Variants in CNTN5 observed in about 807,000 individuals in gnomAD.
CNTN5 encodes the protein contactin-5.
In CNTN5, 77 loss-of-function variants were observed where a neutral mutation model predicts 129.1. The ratio of observed to expected loss-of-function variants is 0.60; its 90% CI spans 0.50 to 0.72. The LOEUF (loss-of-function observed/expected upper bound fraction) is 0.72. Ranked by LOEUF, CNTN5 falls within the 30% of genes least tolerant of loss-of-function variation. The probability of loss-of-function intolerance (pLI) is 0.00; values close to 1 mark genes in which losing one functional copy is unlikely to be tolerated. For missense variants in CNTN5, 1,478 were observed against 1,328.8 expected (o/e 1.11, Z -1.75); for synonymous variants, 509 against 465.6 (o/e 1.09, Z -1.20).
At chr11:100,126,797 C>T (rs1316389361) in intron 13 of CNTN5, among the ~76,000 whole-genome samples, 1 of 152,030 alleles carries the variant, frequency 6.6e-6, no homozygotes, top group Non-Finnish European at 1.5e-5. Flanking sequence ...TTAATATTGA[C>T]ATGTAAGCTT....
chr11:99,151,026 G>C (rs982110213), intron 1 of CNTN5, among the ~76,000 whole-genome samples: 1 of 152,068 alleles, frequency 6.6e-6, no homozygotes, highest in Non-Finnish European at 1.5e-5. Context: ...TAAAAGGATG[G>C]ATATTTTTCC....
intron 12 of CNTN5, among the ~76,000 whole-genome samples, chr11:100,072,770 A>C (rs188494185): frequency 6.6e-4 from 101 of 152,208 alleles, no homozygotes; most frequent in Admixed American, 1.5e-3. Context: ...CATTACAACA[A>C]ATCCATCCAA....
intron 2 of CNTN5, among the ~76,000 whole-genome samples, chr11:99,353,041 A>G (rs945354920): frequency 6.6e-5 from 10 of 151,952 alleles, no homozygotes; most frequent in African/African-American, 9.7e-5. Flanking sequence ...ATCATTAGCC[A>G]CCTGCCACTT....
At chr11:99,135,720 A>G (rs1859188042) in intron 1 of CNTN5, among the ~76,000 whole-genome samples, 1 of 152,086 alleles carries the variant, frequency 6.6e-6, no homozygotes, top group African/African-American at 2.4e-5. Context: ...CTGACATTGT[A>G]TTTTATCTTC....
At chr11:99,628,000 A>T (rs1951192026) in intron 3 of CNTN5, among the ~76,000 whole-genome samples, 2 of 150,298 alleles carry the variant, frequency 1.3e-5, no homozygotes, top group African/African-American at 2.5e-5. Flanking sequence ...GTGTTGGATT[A>T]CTTTGACTTA....
rs79266631 is a variant in CNTN5 at position 100,090,657 on chromosome 11, A to C, written c.1580+16363A>C. 1.3e-3 allele frequency among the ~76,000 whole-genome samples: 193 copies of C among 150,786 alleles called. 1 individual carries two copies. In the South Asian group the frequency reaches 0.014, roughly 11 times the overall value. ...CCCAGTACAAGCTACCAGGAGATTC[A>C]GTGCCTGGTGAGAGCTCACTCTCTG... is the stretch of plus-strand genomic sequence containing the variant. On this transcript the variant is annotated intron_variant, in intron 13 of 24. Coordinates refer to ENST00000524871, the MANE Select transcript of CNTN5 (RefSeq NM_014361.4).
At chr11:99,867,151 C>T (rs1458448257) in intron 6 of CNTN5, among the ~76,000 whole-genome samples, 1 of 152,158 alleles carries the variant, frequency 6.6e-6, no homozygotes, top group East Asian at 1.9e-4. Context: ...AAAGAAAGAG[C>T]AATAAACATG....
intron 3 of CNTN5, among the ~76,000 whole-genome samples, chr11:99,582,540 T>G (rs1357107816): frequency 6.6e-6 from 1 of 152,184 alleles, no homozygotes; most frequent in Non-Finnish European, 1.5e-5. Context: ...TATTCTTTTT[T>G]CTCTCAACTT....
At chr11:99,524,738 G>A (rs568103883) in intron 2 of CNTN5, among the ~76,000 whole-genome samples, 2 of 152,106 alleles carry the variant, frequency 1.3e-5, no homozygotes, top group South Asian at 2.1e-4. Flanking sequence ...GGGAGGCAGA[G>A]GTTGCAGTGA....
chr11:99,297,305 C>G (rs1591486097), intron 1 of CNTN5, among the ~76,000 whole-genome samples: 1 of 152,128 alleles, frequency 6.6e-6, no homozygotes. Context: ...AGCTGCTTCT[C>G]AGTAGCAAAG....
chr11:99,163,406 AG>A (rs1378204870), intron 1 of CNTN5, among the ~76,000 whole-genome samples: 1 of 16,240 alleles, frequency 6.2e-5, no homozygotes, highest in East Asian at 0.083. Context: ...ATATTATTTG[AG>A]TTATGTATGC....
chr11:100,280,328 T>G (rs970459637), intron 18 of CNTN5, among the ~76,000 whole-genome samples: 1 of 151,984 alleles, frequency 6.6e-6, no homozygotes, highest in Non-Finnish European at 1.5e-5. Context: ...TCCTTACCTC[T>G]CATAATATTT....
intron 3 of CNTN5, among the ~76,000 whole-genome samples, chr11:99,731,149 C>T (rs1438498335): frequency 6.6e-6 from 1 of 151,904 alleles, no homozygotes; most frequent in South Asian, 2.1e-4. Flanking sequence ...TGCTCTGTCG[C>T]CCAGGCTGGA....
intron 9 of CNTN5, among the ~76,000 whole-genome samples, chr11:100,008,980 C>A (rs1441367131): frequency 6.6e-6 from 1 of 152,050 alleles, no homozygotes; most frequent in Non-Finnish European, 1.5e-5. Flanking sequence ...CATATTAGTG[C>A]AGCTATAATG....
At chr11:99,933,217 A>C (rs1389527263) in intron 7 of CNTN5, among the ~76,000 whole-genome samples, 1 of 152,224 alleles carries the variant, frequency 6.6e-6, no homozygotes, top group Non-Finnish European at 1.5e-5. Flanking sequence ...AAATAGAAAC[A>C]AATAGAAAAT....
intron 16 of CNTN5, among the ~76,000 whole-genome samples, chr11:100,245,190 A>G (rs1218129978): frequency 6.6e-6 from 1 of 152,132 alleles, no homozygotes; most frequent in Non-Finnish European, 1.5e-5. Flanking sequence ...ATCATCTACA[A>G]TTTTGGCCCT....
chr11:99,229,779 T>A (rs75893164), intron 1 of CNTN5, among the ~76,000 whole-genome samples: 2,642 of 152,162 alleles, frequency 0.017, 43 homozygotes, highest in African/African-American at 0.038. Context: ...TAGTGTCAGC[T>A]TAACTAAAGC....
chr11:99,659,943 CAT>C (rs1952534583), intron 3 of CNTN5, among the ~76,000 whole-genome samples: 1 of 152,176 alleles, frequency 6.6e-6, no homozygotes, highest in Admixed American at 6.5e-5. Context: ...ATGAGCCACA[CAT>C]GTGGGCAGCT....
intron 3 of CNTN5, among the ~76,000 whole-genome samples, chr11:99,783,547 A>G (rs1472040492): frequency 2.2e-5 from 2 of 90,078 alleles, no homozygotes; most frequent in Admixed American, 1.3e-4. Flanking sequence ...ATTATTCACA[A>G]TAGCAAAGAC....
Sources: gnomAD v4.1 joint callset for allele counts (sites outside exome capture counted in the v4.1 genomes callset) on GRCh38, gnomAD v4.1.1 for gene constraint, MANE v1.5 for transcripts, NCBI Gene and HGNC (gene_info 2026-07-23, HGNC 2026-07-21) for gene names.